DOCK1: variants seen among roughly 807,000 people sequenced by gnomAD.
DOCK1 encodes the protein dedicator of cytokinesis protein 1.
Under a neutral mutation model 262.7 loss-of-function variants are expected in DOCK1, and 138 were observed. That is an observed-to-expected ratio of 0.53 (90% confidence interval 0.46 to 0.61). DOCK1 has a LOEUF of 0.61. DOCK1 is among the 20% of genes least tolerant of loss of function. The pLI, the probability that DOCK1 is intolerant of heterozygous loss-of-function variation, is 0.00. For synonymous variants in DOCK1, 866 were observed against 867.4 expected, an observed-to-expected ratio of 1.00 and a Z score of 0.03; for missense variants, 1,908 against 2,370.7, an observed-to-expected ratio of 0.80 and a Z score of 4.05.
intron 27 of DOCK1, among the ~76,000 whole-genome samples, chr10:127,131,299 G>A (rs964525339): frequency 6.6e-6 from 1 of 152,128 alleles, no homozygotes; most frequent in African/African-American, 2.4e-5. Flanking sequence ...CCAAACAGAA[G>A]CCTCAAAGTG....
intron 32 of DOCK1, among the ~76,000 whole-genome samples, chr10:127,358,870 G>A (rs2064273064): frequency 6.6e-6 from 1 of 152,170 alleles, no homozygotes; most frequent in African/African-American, 2.4e-5. Context: ...CTTCTGACTA[G>A]GGAGGCCTTG....
intron 27 of DOCK1, among the ~76,000 whole-genome samples, chr10:127,145,536 C>T (rs1400887331): frequency 6.6e-6 from 1 of 151,932 alleles, no homozygotes; most frequent in East Asian, 1.9e-4. Flanking sequence ...GGGCTGTTGT[C>T]CTCCTGTTCT....
intron 16 of DOCK1, 101 bp downstream of exon 16, chr10:127,026,525 C>A: frequency 2.9e-6 from 3 of 1,045,022 alleles, no homozygotes; most frequent in Non-Finnish European, 4.3e-6. Flanking sequence ...GCTATCATAA[C>A]ACAATAAGGC....
At chr10:127,295,946 C>G (rs956477516) in intron 29 of DOCK1, among the ~76,000 whole-genome samples, 1 of 152,182 alleles carries the variant, frequency 6.6e-6, no homozygotes, top group Non-Finnish European at 1.5e-5. Flanking sequence ...TAATGATGCT[C>G]TTAAGTAAAA....
At chr10:127,348,486 T>A (rs956939908) in intron 31 of DOCK1, among the ~76,000 whole-genome samples, 14 of 152,184 alleles carry the variant, frequency 9.2e-5, no homozygotes, top group Non-Finnish European at 2.1e-4. Flanking sequence ...ACAGGGTTCA[T>A]GAATTGGGCC....
intron 29 of DOCK1, among the ~76,000 whole-genome samples, chr10:127,305,647 C>G (rs1462799549): frequency 6.6e-6 from 1 of 152,148 alleles, no homozygotes; most frequent in African/African-American, 2.4e-5. Context: ...TGACTGTACT[C>G]AAGCCTCAAC....
At chr10:126,955,464 T>C (rs1419527583) in intron 1 of DOCK1, among the ~76,000 whole-genome samples, 4 of 152,204 alleles carry the variant, frequency 2.6e-5, no homozygotes, top group Non-Finnish European at 5.9e-5. Context: ...CATTTTGCCT[T>C]GGGCCGTGAA....
At chr10:127,341,288 A>G (rs1350008022) in intron 30 of DOCK1, among the ~76,000 whole-genome samples, 5 of 152,230 alleles carry the variant, frequency 3.3e-5, no homozygotes, top group African/African-American at 4.8e-5. Flanking sequence ...TTATTATCCT[A>G]GAGGCTTAAT....
chr10:126,926,832 G>T (rs945118014), intron 1 of DOCK1, among the ~76,000 whole-genome samples: 8 of 151,240 alleles, frequency 5.3e-5, no homozygotes, highest in African/African-American at 7.4e-5. Flanking sequence ...CCCCCAGAGG[G>T]TTTGGAGGGA....
intron 21 of DOCK1, among the ~76,000 whole-genome samples, chr10:127,045,786 A>G (rs188949203): frequency 2.2e-4 from 34 of 152,266 alleles, no homozygotes; most frequent in African/African-American, 6.3e-4. Context: ...CTTCCATAAA[A>G]CCAGCATGAC....
intron 23 of DOCK1, among the ~76,000 whole-genome samples, chr10:127,091,345 T>C (rs547604077): frequency 6.6e-6 from 1 of 152,340 alleles, no homozygotes; most frequent in Admixed American, 6.5e-5. Context: ...GGTCTGTTTC[T>C]GTTGAGTTGA....
At chr10:127,009,168 G>T (rs1235288651) in intron 11 of DOCK1, among the ~76,000 whole-genome samples, 1 of 152,144 alleles carries the variant, frequency 6.6e-6, no homozygotes, top group Non-Finnish European at 1.5e-5. Context: ...ATAGGAGGTT[G>T]CTGTTTTTAA....
intron 27 of DOCK1, among the ~76,000 whole-genome samples, chr10:127,243,435 C>T (rs916006059): frequency 1.3e-5 from 2 of 152,180 alleles, no homozygotes; most frequent in Non-Finnish European, 2.9e-5. Flanking sequence ...TGTTTTCCTT[C>T]TACTGAGACT....
intron 1 of DOCK1, among the ~76,000 whole-genome samples, chr10:126,958,905 AG>A (rs2036968184): frequency 6.6e-6 from 1 of 152,208 alleles, no homozygotes; most frequent in Admixed American, 6.5e-5. Flanking sequence ...AGCCCTCAGG[AG>A]GTCCTGAGAA....
At chr10:127,214,047 C>T (rs2058095356) in intron 27 of DOCK1, among the ~76,000 whole-genome samples, 1 of 152,140 alleles carries the variant, frequency 6.6e-6, no homozygotes, top group Admixed American at 6.5e-5. Flanking sequence ...CAAGGTTTCA[C>T]TATGTTAGCC....
intron 49 of DOCK1, among the ~76,000 whole-genome samples, chr10:127,442,596 C>A (rs527331047): frequency 6.6e-6 from 1 of 152,154 alleles, no homozygotes; most frequent in Admixed American, 6.5e-5. Flanking sequence ...CTCCAAAAGC[C>A]AGAGATGAGC....
intron 1 of DOCK1, among the ~76,000 whole-genome samples, chr10:126,949,079 GT>G (rs1159170032): frequency 1.3e-5 from 2 of 152,118 alleles, no homozygotes; most frequent in Non-Finnish European, 2.9e-5. Flanking sequence ...TCTGGGAGTG[GT>G]GCACGTTCTG....
chr10:126,992,756 A>G (rs1407526189), intron 6 of DOCK1, among the ~76,000 whole-genome samples: 2 of 144,504 alleles, frequency 1.4e-5, no homozygotes, highest in African/African-American at 5.1e-5. Flanking sequence ...ACACACACAC[A>G]CACACACAGA....
intron 27 of DOCK1, among the ~76,000 whole-genome samples, chr10:127,232,642 AT>A (rs2058894404): frequency 2.6e-5 from 4 of 152,170 alleles, no homozygotes. Context: ...CATTTAACCA[AT>A]CAACCTAGAT....
Sources: allele counts gnomAD v4.1 joint callset (sites outside exome capture counted in the v4.1 genomes callset), GRCh38; gene constraint gnomAD v4.1.1; transcripts MANE v1.5; gene names NCBI Gene and HGNC (gene_info 2026-07-23, HGNC 2026-07-21).